The following ATP8A1 variants were observed in gnomAD, a reference collection of about 807,000 sequenced individuals.
ATP8A1 encodes ATPase phospholipid transporting 8A1, also known as phospholipid-transporting ATPase IA.
ATP8A1 carries 90 observed loss-of-function variants against 177.7 expected under a neutral mutation model. The ratio of observed to expected loss-of-function variants is 0.51; its 90% CI spans 0.43 to 0.60. The LOEUF (loss-of-function observed/expected upper bound fraction) is 0.60, where lower values mean the gene tolerates loss of function less well. ATP8A1 is among the 20% of genes least tolerant of loss of function. The pLI, the probability that ATP8A1 is intolerant of heterozygous loss-of-function variation, is 0.00. For missense variants in ATP8A1, 1,072 were observed against 1,392.8 expected (o/e 0.77, Z 3.67); for synonymous variants, 493 against 485.9 (o/e 1.01, Z -0.19).
chr4:42,467,649 C>A (rs528989346), intron 25 of ATP8A1, among the ~76,000 whole-genome samples: 1 of 152,214 alleles, frequency 6.6e-6, no homozygotes, highest in South Asian at 2.1e-4. Flanking sequence ...GCTGAGATGG[C>A]GCCACTGCAC....
intron 1 of ATP8A1, among the ~76,000 whole-genome samples, chr4:42,627,952 G>A (rs6447174): frequency 0.35 from 52,665 of 151,988 alleles, 9,221 homozygotes; most frequent in East Asian, 0.48. Context: ...GTTCAAGTTA[G>A]GTAAAACGTC....
At chr4:42,531,573 TCAA>T (rs1727265027) in intron 20 of ATP8A1, among the ~76,000 whole-genome samples, 1 of 151,892 alleles carries the variant, frequency 6.6e-6, no homozygotes, top group Non-Finnish European at 1.5e-5. Flanking sequence ...GCCAGAGCAA[TCAA>T]CAAGAGAAAA....
At chr4:42,613,142 T>A (rs968400718) in intron 5 of ATP8A1, among the ~76,000 whole-genome samples, 5 of 152,236 alleles carry the variant, frequency 3.3e-5, no homozygotes, top group African/African-American at 1.2e-4. Flanking sequence ...CAATCTGAAT[T>A]ATCTGACAGC....
chr4:42,617,778 A>G lies in ATP8A1; in HGVS notation c.364-1700T>C, dbSNP rs577518835. 8.5e-5 allele frequency among the ~76,000 whole-genome samples: 13 copies of G among 152,358 alleles called. No homozygotes were observed. The East Asian group carries it at 2.5e-3, about 29-fold the overall frequency. ...ATCTTAAACATCACTTTCCATCTACAGCGAACTCTTGCACAAGAGCATCTC... is the reference window on the plus strand; with the variant it reads ...ATCTTAAACATCACTTTCCATCTACGGCGAACTCTTGCACAAGAGCATCTC... On this transcript the variant is annotated intron_variant, in intron 4 of 36. Transcript: ENST00000381668.
intron 5 of ATP8A1, among the ~76,000 whole-genome samples, chr4:42,607,524 C>G (rs1486200314): frequency 1.3e-5 from 2 of 152,122 alleles, no homozygotes; most frequent in African/African-American, 4.8e-5. Context: ...CCTCCTCTGA[C>G]CCGGCACAAA....
chr4:42,480,195 T>C (rs1490842462), intron 25 of ATP8A1, among the ~76,000 whole-genome samples: 1 of 152,194 alleles, frequency 6.6e-6, no homozygotes, highest in Non-Finnish European at 1.5e-5. Flanking sequence ...TCATCATAAT[T>C]GGCTAATAGG....
chr4:42,627,159 C>A, intron 1 of ATP8A1, 50 bp from the exon 2 acceptor site: 2 of 1,386,188 alleles, frequency 1.4e-6, no homozygotes, highest in Non-Finnish European at 2.0e-6. Context: ...TTGTCCAGAC[C>A]AAAAACAGAT....
intron 24 of ATP8A1, among the ~76,000 whole-genome samples, chr4:42,503,214 T>C (rs1310546181): frequency 6.6e-6 from 1 of 152,204 alleles, no homozygotes; most frequent in Non-Finnish European, 1.5e-5. Flanking sequence ...AACTTTTCTG[T>C]CTCACAATAT....
chr4:42,477,108 G>T (rs1391851747), intron 25 of ATP8A1, among the ~76,000 whole-genome samples: 3 of 152,054 alleles, frequency 2.0e-5, no homozygotes, highest in African/African-American at 7.2e-5. Context: ...TTTTCCCATT[G>T]TTCACCGCTC....
chr4:42,489,939 T>C (rs7436341), intron 24 of ATP8A1, among the ~76,000 whole-genome samples: 25,729 of 152,064 alleles, frequency 0.17, 2,395 homozygotes, highest in South Asian at 0.24. Context: ...CTCAATGAAA[T>C]AAAAGATCTC....
chr4:42,485,074 G>A (rs2153189095), intron 25 of ATP8A1, among the ~76,000 whole-genome samples: 1 of 152,244 alleles, frequency 6.6e-6, no homozygotes, highest in East Asian at 1.9e-4. Context: ...GGAATGTATA[G>A]TCAATAAATA....
In ATP8A1 at chr4:42,642,486, G is replaced by A. The variant is rs929745716; in HGVS notation, c.49+14339C>T. ...TTGTCAGGATGTAGCTAAAGAAGAC[G>A]ACAGAAACCTCCACTAAACAGATTA... On this transcript the variant is annotated intron_variant, in intron 1 of 36. Coordinates refer to ENST00000381668, the MANE Select transcript of ATP8A1 (RefSeq NM_006095.2). Among the ~76,000 whole-genome samples, 11 of 152,260 alleles carry A rather than the reference G, an allele frequency of 7.2e-5. 1 individual carries two copies. Among genetic ancestry groups the A allele is most frequent in the Middle Eastern group, 6.8e-3 (2 of 294 alleles).
At chr4:42,557,987 AC>A (rs1730420543) in intron 15 of ATP8A1, among the ~76,000 whole-genome samples, 1 of 152,088 alleles carries the variant, frequency 6.6e-6, no homozygotes, top group South Asian at 2.1e-4. Flanking sequence ...AAACTGCACC[AC>A]TGGACTCCAC....
rs753877466 is a variant in ATP8A1 at position 42,579,903 on chromosome 4, T to C, written c.910A>G (p.Ile304Val). 1.1e-5 allele frequency: 17 copies of C among 1,613,572 alleles called. No individual in the cohort carries two copies. In the South Asian group the frequency reaches 1.2e-4, roughly 11 times the overall value. ...CAGACAAGAGACATGGCAATTAAGA[T>C]ACAAAATAAAATCAAAATTTGTACA... ...TNVQILILFC[I>V]LIAMSLVCSV... is the part of the protein sequence containing the mutation. Residue 304 changes from isoleucine (I) to valine (V), a missense_variant, in exon 11 of 37, where the codon ATC (isoleucine) becomes GTC (valine). By Grantham distance (29) the Ile-to-Val change is conservative. Transcript: ENST00000381668.
chr4:42,635,882 GA>G (rs2109526640), intron 1 of ATP8A1, among the ~76,000 whole-genome samples: 1 of 147,918 alleles, frequency 6.8e-6, no homozygotes, highest in Non-Finnish European at 1.5e-5. Flanking sequence ...AAAGCTTACA[GA>G]AAGGTTGAGG....
intron 14 of ATP8A1, among the ~76,000 whole-genome samples, chr4:42,573,903 A>G (rs1036987554): frequency 6.6e-6 from 1 of 152,204 alleles, no homozygotes; most frequent in African/African-American, 2.4e-5. Flanking sequence ...GTTTGACAAT[A>G]GGCCAATGTC....
intron 23 of ATP8A1, among the ~76,000 whole-genome samples, chr4:42,505,747 C>T (rs2153193944): frequency 6.6e-6 from 1 of 152,192 alleles, no homozygotes; most frequent in Admixed American, 6.5e-5. Flanking sequence ...AAAAAATACA[C>T]AATATTTTAA....
At chr4:42,575,773 T>C in intron 12 of ATP8A1, 74 bp from the exon 13 acceptor site, 1 of 1,248,720 alleles carries the variant, frequency 8.0e-7, no homozygotes, top group Non-Finnish European at 1.2e-6. Flanking sequence ...AAGAAAACAA[T>C]TAGTATATTC....
chr4:42,482,337 A>ACAAACAAAC (rs5857847), intron 25 of ATP8A1, among the ~76,000 whole-genome samples: 3 of 149,944 alleles, frequency 2.0e-5, no homozygotes, highest in Admixed American at 6.7e-5. Context: ...AAACAAACAA[A>ACAAACAAAC]AAAAAAAAAG....
Sources: allele counts gnomAD v4.1 joint callset (sites outside exome capture counted in the v4.1 genomes callset), GRCh38; gene constraint gnomAD v4.1.1; transcripts MANE v1.5; gene names NCBI Gene and HGNC (gene_info 2026-07-23, HGNC 2026-07-21).